The following GPC5 variants were observed in gnomAD, a reference collection of about 807,000 sequenced individuals.
GPC5 encodes the protein glypican 5, also known as glypican-5.
GPC5 carries 47 observed loss-of-function variants against 53.9 expected under a neutral mutation model. That is an observed-to-expected ratio of 0.87 (90% confidence interval 0.69 to 1.11). GPC5 has a LOEUF of 1.11. Among genes scored for constraint, GPC5 ranks in the 50% most tolerant of loss-of-function variants. GPC5 has a pLI of 0.00. For synonymous variants in GPC5, 286 were observed against 263.3 expected (o/e 1.09, Z -0.84); for missense variants, 748 against 713.1 (o/e 1.05, Z -0.56).
intron 7 of GPC5, among the ~76,000 whole-genome samples, chr13:92,288,323 T>C (rs2042970516): frequency 6.6e-6 from 1 of 152,206 alleles, no homozygotes; most frequent in Non-Finnish European, 1.5e-5. Context: ...TGTTTTATAG[T>C]ATTTTTGTTA....
intron 7 of GPC5, among the ~76,000 whole-genome samples, chr13:92,155,400 C>A (rs1000311916): frequency 1.3e-5 from 2 of 152,062 alleles, no homozygotes; most frequent in African/African-American, 4.8e-5. Flanking sequence ...TAAAGTACAG[C>A]AATTTTACTA....
intron 6 of GPC5, among the ~76,000 whole-genome samples, chr13:92,001,571 G>C (rs1037685497): frequency 6.6e-6 from 1 of 152,016 alleles, no homozygotes; most frequent in Non-Finnish European, 1.5e-5. Context: ...GGAATGCTGA[G>C]GGATCAATTT....
intron 6 of GPC5, among the ~76,000 whole-genome samples, chr13:92,032,233 G>C (rs2138809805): frequency 6.6e-6 from 1 of 150,580 alleles, no homozygotes; most frequent in South Asian, 2.1e-4. Context: ...GCTAAGCTAT[G>C]AGATTGCAAA....
intron 7 of GPC5, among the ~76,000 whole-genome samples, chr13:92,393,760 T>C (rs1875133198): frequency 6.6e-6 from 1 of 152,110 alleles, no homozygotes; most frequent in Non-Finnish European, 1.5e-5. Context: ...AACTATTGGG[T>C]ACTGGACTTA....
intron 3 of GPC5, among the ~76,000 whole-genome samples, chr13:91,724,274 T>C (rs1039376720): frequency 6.6e-6 from 1 of 152,172 alleles, no homozygotes; most frequent in Admixed American, 6.5e-5. Context: ...CAAGGATACA[T>C]GCAGACTCAT....
intron 7 of GPC5, among the ~76,000 whole-genome samples, chr13:92,781,510 A>T (rs978822531): frequency 1.3e-5 from 2 of 152,134 alleles, no homozygotes; most frequent in African/African-American, 4.8e-5. Context: ...TGTTTAGTAG[A>T]TCTCTAGATA....
chr13:92,848,670 A>C (rs1055709675), intron 7 of GPC5, among the ~76,000 whole-genome samples: 1 of 152,110 alleles, frequency 6.6e-6, no homozygotes, highest in African/African-American at 2.4e-5. Flanking sequence ...TATATATCTT[A>C]AGCTGGGTGA....
intron 2 of GPC5, among the ~76,000 whole-genome samples, chr13:91,639,481 C>G (rs1018979875): frequency 1.4e-4 from 21 of 152,202 alleles, no homozygotes; most frequent in Admixed American, 9.8e-4. Context: ...ATATAGCTTG[C>G]TCATGCATTT....
intron 5 of GPC5, among the ~76,000 whole-genome samples, chr13:91,892,592 A>G (rs1275642771): frequency 6.6e-6 from 1 of 151,722 alleles, no homozygotes; most frequent in Non-Finnish European, 1.5e-5. Flanking sequence ...AGCAATCTTT[A>G]ACTCTGTTAC....
intron 7 of GPC5, among the ~76,000 whole-genome samples, chr13:92,347,754 TA>T (rs1221670322): frequency 3.7e-4 from 52 of 139,908 alleles, no homozygotes; most frequent in Admixed American, 4.7e-4. Context: ...CAAAGTGATG[TA>T]AATTCTGACC....
chr13:91,524,072 T>C (rs1422507299), intron 2 of GPC5, among the ~76,000 whole-genome samples: 1 of 152,048 alleles, frequency 6.6e-6, no homozygotes, highest in Non-Finnish European at 1.5e-5. Flanking sequence ...GAACTACAAA[T>C]AGAAACAATC....
At chr13:91,554,120 A>G (rs1279325017) in intron 2 of GPC5, among the ~76,000 whole-genome samples, 1 of 152,028 alleles carries the variant, frequency 6.6e-6, no homozygotes, top group Non-Finnish European at 1.5e-5. Context: ...ATAAAACTGG[A>G]CCTTCTAGTT....
chr13:91,543,532 AAGAG>A (rs57091950), intron 2 of GPC5, among the ~76,000 whole-genome samples: 101,569 of 150,256 alleles, frequency 0.68, 35,188 homozygotes, highest in East Asian at 0.99. Context: ...TGATTTTTCA[AAGAG>A]AGAGAGAGAG....
chr13:91,658,763 T>G (rs1029103901), intron 2 of GPC5, among the ~76,000 whole-genome samples: 1 of 152,138 alleles, frequency 6.6e-6, no homozygotes, highest in Admixed American at 6.6e-5. Context: ...ATCCCTCATA[T>G]GTACTGTGTG....
At chr13:91,715,171 C>A (rs544442929) in intron 3 of GPC5, among the ~76,000 whole-genome samples, 4 of 152,176 alleles carry the variant, frequency 2.6e-5, no homozygotes, top group Non-Finnish European at 5.9e-5. Flanking sequence ...ACATGGCACA[C>A]TGTAGGGGTG....
At chr13:92,695,946 G>GTGTT in intron 7 of GPC5, among the ~76,000 whole-genome samples, 1 of 152,194 alleles carries the variant, frequency 6.6e-6, no homozygotes, top group South Asian at 2.1e-4. Context: ...AGAACATGCT[G>GTGTT]TGTTTGGTTT....
At chr13:92,285,891 G>C (rs1027555549) in intron 7 of GPC5, among the ~76,000 whole-genome samples, 28 of 151,790 alleles carry the variant, frequency 1.8e-4, no homozygotes, top group African/African-American at 6.5e-4. Context: ...TTGACAAATG[G>C]GATCTAATTA....
intron 7 of GPC5, among the ~76,000 whole-genome samples, chr13:92,284,852 C>T (rs1461986821): frequency 6.6e-6 from 1 of 152,168 alleles, no homozygotes; most frequent in Admixed American, 6.5e-5. Flanking sequence ...TGCCCTCTCT[C>T]ACCACGCCTA....
At chr13:91,874,201 C>T (rs2039178063) in intron 5 of GPC5, among the ~76,000 whole-genome samples, 1 of 152,122 alleles carries the variant, frequency 6.6e-6, no homozygotes, top group Non-Finnish European at 1.5e-5. Flanking sequence ...TAATATGAAG[C>T]CCTCTTTCAC....
Sources: gnomAD v4.1 joint callset for allele counts (sites outside exome capture counted in the v4.1 genomes callset) on GRCh38, gnomAD v4.1.1 for gene constraint, MANE v1.5 for transcripts, NCBI Gene and HGNC (gene_info 2026-07-23, HGNC 2026-07-21) for gene names.